The following EFNB2 variants were observed in gnomAD, a reference collection of about 807,000 sequenced individuals.
EFNB2 encodes ephrin B2, also known as ephrin-B2.
EFNB2 carries 5 observed loss-of-function variants against 32.1 expected under a neutral mutation model. The ratio of observed to expected loss-of-function variants is 0.16; its 90% CI spans 0.08 to 0.33. EFNB2 has a LOEUF of 0.33. Ranked by LOEUF, EFNB2 falls within the 10% of genes least tolerant of loss-of-function variation. The pLI is 1.00. For synonymous variants in EFNB2, 168 were observed against 166.5 expected (o/e 1.01, Z -0.07); for missense variants, 263 against 422.6 (o/e 0.62, Z 3.31).
chr13:106,506,788 CCCA>C (rs1440311732), intron 2 of EFNB2: 1 of 152,176 alleles, frequency 6.6e-6, no homozygotes, highest in Non-Finnish European at 1.5e-5. Context: ...TTTTCTATAT[CCCA>C]CCACATCTGG....
chr13:106,517,603 G>A (rs945284868), intron 1 of EFNB2: 27 of 152,160 alleles, frequency 1.8e-4, no homozygotes, highest in Non-Finnish European at 1.5e-5. Flanking sequence ...CGTGTGGCTT[G>A]GTGCATTCTC....
chr13:106,520,508 C>T (rs543815162), intron 1 of EFNB2: 5 of 152,198 alleles, frequency 3.3e-5, no homozygotes, highest in South Asian at 4.1e-4. Context: ...GGCTCCTTTC[C>T]GAAGTGCTCT....
intron 1 of EFNB2, among the ~76,000 whole-genome samples, chr13:106,515,074 A>G (rs1879268737): frequency 1.3e-5 from 2 of 152,008 alleles, no homozygotes; most frequent in Admixed American, 1.3e-4. Context: ...AAAGATTCAC[A>G]GGAGGTTTCC....
chr13:106,513,488 T>C (rs1451045336), intron 1 of EFNB2, among the ~76,000 whole-genome samples: 1 of 152,188 alleles, frequency 6.6e-6, no homozygotes, highest in East Asian at 1.9e-4. Context: ...ACAACTACTG[T>C]CCCTGCCCTA....
chr13:106,528,455 C>T (rs988629999), intron 1 of EFNB2, among the ~76,000 whole-genome samples: 1 of 147,710 alleles, frequency 6.8e-6, no homozygotes, highest in East Asian at 2.2e-4. Context: ...TCTAGAAGGG[C>T]CCTATGCTGC....
intron 1 of EFNB2, 61 bp downstream of exon 1, chr13:106,534,782 C>T: frequency 1.3e-6 from 2 of 1,542,578 alleles, no homozygotes; most frequent in East Asian, 2.4e-5. Flanking sequence ...CCCCTCCTCC[C>T]GCCCGGACGG....
chr13:106,502,775 A>C (rs1164446278), intron 2 of EFNB2, among the ~76,000 whole-genome samples: 8 of 152,256 alleles, frequency 5.3e-5, no homozygotes, highest in African/African-American at 1.9e-4. Flanking sequence ...ATTCAGGGCC[A>C]TAGGTATCTT....
chr13:106,501,754 G>A (rs992363568), intron 2 of EFNB2, among the ~76,000 whole-genome samples: 24 of 151,964 alleles, frequency 1.6e-4, no homozygotes, highest in African/African-American at 5.5e-4. Flanking sequence ...CACCACACCC[G>A]GCTCATTTTT....
At chr13:106,508,940 G>GT (rs1395372083) in intron 2 of EFNB2, among the ~76,000 whole-genome samples, 12 of 152,088 alleles carry the variant, frequency 7.9e-5, no homozygotes, top group Admixed American at 2.0e-4. Context: ...TTTAAAGCAG[G>GT]TAACACCACA....
Position 106,493,172 on chromosome 13 carries a change from G to A in EFNB2, c.870C>T (p.Ile290=), listed in dbSNP as rs150898512. 2.5e-6 allele frequency: 4 copies of A among 1,614,096 alleles called. No individual in the cohort carries two copies. The highest frequency in any genetic ancestry group is 3.4e-6 in the Non-Finnish European group (4 of 1,180,052). The change falls in exon 5 of 5, where the codon ATC becomes ATT. Residue 290 remains isoleucine (I), a synonymous_variant. Coordinates refer to ENST00000646441, the MANE Select transcript of EFNB2 (RefSeq NM_004093.4). This position sits in a 1 kb window ranked among gnomAD's most constrained non-coding sequence, Gnocchi z 6.1. The part of the protein sequence containing the change: ...NNNGSEPSDI[I]IPLRTADSVF... ...CGCTGTCCGCAGTCCTTAGCGGGATGATAATGTCACTGGGCTCTGAGCCGT... is the reference window on the plus strand; with the variant it reads ...CGCTGTCCGCAGTCCTTAGCGGGATAATAATGTCACTGGGCTCTGAGCCGT...
intron 1 of EFNB2, among the ~76,000 whole-genome samples, chr13:106,528,012 C>T (rs1420856992): frequency 1.3e-5 from 2 of 152,148 alleles, no homozygotes; most frequent in African/African-American, 2.4e-5. Context: ...ATGTTCTGTT[C>T]CCTGTTAACA....
chr13:106,529,981 C>T (rs1334898411), intron 1 of EFNB2, among the ~76,000 whole-genome samples: 3 of 152,104 alleles, frequency 2.0e-5, no homozygotes, highest in Non-Finnish European at 1.5e-5. Flanking sequence ...GTTTTTGATT[C>T]GGAACTACAA....
chr13:106,528,363 T>C (rs975355533), intron 1 of EFNB2, among the ~76,000 whole-genome samples: 5 of 152,216 alleles, frequency 3.3e-5, no homozygotes, highest in South Asian at 2.1e-4. Flanking sequence ...AGTTGAGAAT[T>C]TGGAACAAAA....
chr13:106,512,888 C>G, intron 1 of EFNB2, 76 bp from the exon 2 acceptor site: 1 of 1,291,964 alleles, frequency 7.7e-7, no homozygotes, highest in Non-Finnish European at 1.0e-6. Context: ...GATAGCCAGG[C>G]AATGCCCATA....
intron 2 of EFNB2, among the ~76,000 whole-genome samples, chr13:106,503,487 T>C (rs981316627): frequency 6.6e-6 from 1 of 152,172 alleles, no homozygotes; most frequent in Admixed American, 6.5e-5. Flanking sequence ...TCCTTGTCTA[T>C]GAGGAACAGC....
chr13:106,532,065 AACAAAAAAAAAACC>A lies in EFNB2; in HGVS notation c.122+2764_122+2777del, dbSNP rs1282763791. 4.0e-5 allele frequency among the ~76,000 whole-genome samples: 4 copies of A among 101,156 alleles called. No individual in the cohort carries two copies. In the East Asian group the frequency reaches 2.5e-3, roughly 63 times the overall value. The allele number at this position is 101,156 out of a possible 152,430, so 66.4% of individuals were successfully genotyped here. ...CTGTTCTCTGCTGAATTAAAAAAAA[AACAAAAAAAAAACC>A]AAAACTTTAAACAACCAAAATGGCT... On this transcript the variant is annotated intron_variant, in intron 1 of 4. Coordinates refer to ENST00000646441, the MANE Select transcript of EFNB2 (RefSeq NM_004093.4).
intron 2 of EFNB2, chr13:106,506,206 T>A (rs180718641): frequency 6.6e-5 from 10 of 152,362 alleles, no homozygotes; most frequent in Admixed American, 5.2e-4. Context: ...GCTGATCTAC[T>A]TTCCCAGCTA....
chr13:106,505,522 TCAAA>T (rs1403894124), intron 2 of EFNB2, among the ~76,000 whole-genome samples: 1 of 152,210 alleles, frequency 6.6e-6, no homozygotes, highest in Admixed American at 6.5e-5. Context: ...CCCTAAGTGA[TCAAA>T]CACTCAGCCC....
chr13:106,500,596 C>T (rs1227727943), intron 2 of EFNB2, among the ~76,000 whole-genome samples: 1 of 152,308 alleles, frequency 6.6e-6, no homozygotes, highest in Non-Finnish European at 1.5e-5. Flanking sequence ...ACCACAGAGT[C>T]GTCAGAATAA....
Sources: allele counts gnomAD v4.1 joint callset (sites outside exome capture counted in the v4.1 genomes callset), GRCh38; gene constraint gnomAD v4.1.1; non-coding constraint Gnocchi (gnomAD v3.1); transcripts MANE v1.5; gene names NCBI Gene and HGNC (gene_info 2026-07-23, HGNC 2026-07-21).